The following SPATA6L variants were observed in gnomAD, a reference collection of about 807,000 sequenced individuals.
SPATA6L encodes the protein spermatogenesis associated 6 like.
In SPATA6L, 68 loss-of-function variants were observed where a neutral mutation model predicts 49.2. The observed-to-expected ratio is 1.38, with a 90% CI of 1.14 to 1.69. The LOEUF is 1.69. SPATA6L is among the 40% of genes most tolerant of loss of function. The probability of loss-of-function intolerance (pLI) is 0.00; values close to 1 mark genes in which losing one functional copy is unlikely to be tolerated. For synonymous variants in SPATA6L, 198 were observed against 165.7 expected, an observed-to-expected ratio of 1.19 and a Z score of -1.50; for missense variants, 668 against 464.3, an observed-to-expected ratio of 1.44 and a Z score of -4.03.
intron 7 of SPATA6L, among the ~76,000 whole-genome samples, chr9:4,619,983 G>T (rs751592178): frequency 6.6e-6 from 1 of 152,190 alleles, no homozygotes; most frequent in Non-Finnish European, 1.5e-5. Flanking sequence ...CTCAGGCAAT[G>T]ACAAGGGACT....
chr9:4,648,351 CT>C (rs1215764512), intron 3 of SPATA6L, among the ~76,000 whole-genome samples: 1 of 152,028 alleles, frequency 6.6e-6, no homozygotes, highest in Non-Finnish European at 1.5e-5. Context: ...CCTCTAAATT[CT>C]TTTTTTAAAA....
At position 4,644,182 on chromosome 9, in the gene SPATA6L, GCAAAA is replaced by G. The variant is rs1342887797; in HGVS notation, c.227-8788_227-8784del. Among the ~76,000 whole-genome samples the G allele has an allele frequency of 1.2e-3, 59 of 49,406 alleles. 1 individual carries two copies. The highest frequency in any genetic ancestry group is 0.01 in the South Asian group (13 of 1,256). The allele number at this position is 49,406 out of a possible 152,430, so 32.4% of individuals were successfully genotyped here. A position where few individuals can be genotyped will look rare whatever the true frequency, so the allele number is the denominator to read the frequency against. Reference sequence around the variant, plus strand: ...GGCAACATAGTAAGATGCCATCTCTGCAAAAAAAAAAAAAAAAAAAAAAAAAAAAA... The same window carrying G: ...GGCAACATAGTAAGATGCCATCTCTGAAAAAAAAAAAAAAAAAAAAAAAAA... On this transcript the variant is annotated intron_variant, in intron 3 of 11. Coordinates refer to ENST00000682582, the MANE Select transcript of SPATA6L (RefSeq NM_001353486.2).
chr9:4,617,805 T>C (rs1828349601), intron 9 of SPATA6L, 118 bp downstream of exon 9: 3 of 777,914 alleles, frequency 3.9e-6, no homozygotes, highest in Non-Finnish European at 5.8e-6. Context: ...CATTTTTTCA[T>C]ATCAAGGTGT....
chr9:4,625,396 T>C lies in SPATA6L; in HGVS notation c.600A>G (p.Pro200=). Residue 200 remains proline, a synonymous_variant, in exon 6 of 12, where the codon CCA becomes CCG. Transcript: ENST00000682582. ...YSTRHFFQDQ[P]AQLNLGNNFK... ...AATTATTTCCAAGGTTCAACTGAGC[T>C]GGCTGGTCCTGGAAGAAATGCCTGG... 2 of 1,614,170 alleles carry C rather than the reference T, an allele frequency of 1.2e-6. No homozygotes were observed. The highest frequency in any genetic ancestry group is 1.7e-6 in the Non-Finnish European group (2 of 1,180,030).
Position 4,623,214 on chromosome 9 carries a change from A to T in SPATA6L, c.670-704T>A, listed in dbSNP as rs539695638. Among the ~76,000 whole-genome samples the T allele has an allele frequency of 2.0e-5, 3 of 152,320 alleles. No individual in the cohort carries two copies. In the South Asian group the frequency reaches 6.2e-4, roughly 32 times the overall value. On this transcript the variant is annotated intron_variant, in intron 6 of 11. Transcript: ENST00000682582. ...AGAATCGCTTGAACCCGGGAGGCGA[A>T]GATTGCGGTGAGCTGAGATCATGCC...
rs370126582 is a variant in SPATA6L, at chr9:4,605,437, G to A, written c.999C>T (p.Phe333=). ...TCCATGTGGACTGAGAACCAGGATG[G>A]AACCTGCTCAACAGATGGAACAGGG... ...PLDQPLLRER[F]HPGSQSTWKN... is the part of the protein sequence containing the mutation. Residue 333 remains phenylalanine, a synonymous_variant, in exon 10 of 12, where the codon TTC becomes TTT. Transcript: ENST00000682582. 13 of 1,613,038 alleles carry A rather than the reference G, an allele frequency of 8.1e-6. No individual in the cohort carries two copies. The African/African-American group carries it at 1.7e-4, about 22-fold the overall frequency.
At chr9:4,653,011 C>T (rs1357429491) in intron 3 of SPATA6L, among the ~76,000 whole-genome samples, 1 of 152,016 alleles carries the variant, frequency 6.6e-6, no homozygotes, top group Non-Finnish European at 1.5e-5. Context: ...CAGACATTGA[C>T]AAGATGATTG....
At position 4,598,947 on chromosome 9, in the gene SPATA6L, G is replaced by A. The variant is rs1210632512; in HGVS notation, c.*1864C>T. Among the ~76,000 whole-genome samples, 3 of 152,130 alleles carry A rather than the reference G, an allele frequency of 2.0e-5. No homozygotes were observed. In the South Asian group the frequency reaches 6.2e-4, roughly 32 times the overall value. On this transcript the variant is annotated 3_prime_UTR_variant, in exon 12 of 12. Transcript: ENST00000682582. The stretch of plus-strand genomic sequence containing the variant: ...GAGTCTCCCTTATCTTCAGTGCTTG[G>A]GACTGACCAGAAGTATTTTAAACTT...
chr9:4,632,185 A>C (rs1427811027), intron 4 of SPATA6L, among the ~76,000 whole-genome samples: 2 of 151,556 alleles, frequency 1.3e-5, no homozygotes, highest in African/African-American at 2.4e-5. Flanking sequence ...ATGCTCAACT[A>C]ATTTTTGTAT....
Position 4,605,381 on chromosome 9 carries a change from A to G in SPATA6L, c.1055T>C (p.Leu352Pro), listed in dbSNP as rs750971766. 7 of 1,614,192 alleles carry G rather than the reference A, an allele frequency of 4.3e-6. No homozygotes were observed. In the Admixed American group the frequency reaches 8.3e-5, roughly 19 times the overall value. Residue 352 changes from leucine to proline, a missense_variant, in exon 10 of 12, where the codon CTG becomes CCG. Transcript: ENST00000682582. ...KNIHERVCSL[L>P]TSHRAQLHQN... ...GTGCAGCTGTGCTCTGTGGGATGTC[A>G]GAAGACTGCATACCCTCTCATGGAT...
At chr9:4,592,235 A>G (rs1368647599) in intron 13 of SPATA6L, among the ~76,000 whole-genome samples, 10 of 151,618 alleles carry the variant, frequency 6.6e-5, no homozygotes, top group Non-Finnish European at 1.2e-4. Flanking sequence ...GAATGGCTTG[A>G]ACCCTGGAGG....
intron 9 of SPATA6L, among the ~76,000 whole-genome samples, chr9:4,612,231 C>A (rs143165314): frequency 5.5e-4 from 83 of 152,244 alleles, no homozygotes; most frequent in Non-Finnish European, 1.0e-3. Context: ...GCCTCAGCCT[C>A]CCAAAGTGCT....
chr9:4,660,744 C>A (rs886693259), intron 2 of SPATA6L, among the ~76,000 whole-genome samples: 4 of 152,156 alleles, frequency 2.6e-5, no homozygotes, highest in African/African-American at 9.7e-5. Context: ...ATGTTTATTG[C>A]AGCACTATTC....
At chr9:4,663,072 A>G (rs750512728) in intron 1 of SPATA6L, 15 of 1,613,828 alleles carry the variant, frequency 9.3e-6, no homozygotes, top group African/African-American at 1.3e-5. Context: ...GGTGCTGGCC[A>G]TTCCACTGAG....
intron 11 of SPATA6L, among the ~76,000 whole-genome samples, chr9:4,603,357 G>A (rs1303080368): frequency 6.6e-6 from 1 of 152,198 alleles, no homozygotes; most frequent in Non-Finnish European, 1.5e-5. Flanking sequence ...TTGAACCTGG[G>A]GGGTGGAGGT....
Position 4,666,205 on chromosome 9 carries a change from C to G in SPATA6L, c.39+7G>C. 6.2e-7 allele frequency: 1 copy of G among 1,614,104 alleles called. No individual in the cohort carries two copies. The highest frequency in any genetic ancestry group is 2.2e-5 in the East Asian group (1 of 44,888). The stretch of plus-strand genomic sequence containing the variant: ...GGTTAAGGAGGGGGAGTTCATCGAT[C>G]TCTTACCGCCCGGATCTGCAGCTCC... On this transcript the variant is annotated splice_region_variant and intron_variant, in intron 1 of 11. Transcript: ENST00000682582.
chr9:4,628,472 G>C (rs1295504905), intron 5 of SPATA6L: 3 of 151,836 alleles, frequency 2.0e-5, no homozygotes, highest in Admixed American at 2.0e-4. Flanking sequence ...CTGAGATGGA[G>C]TCTCACTCTT....
chr9:4,606,006 A>C (rs578258273), intron 9 of SPATA6L, among the ~76,000 whole-genome samples: 3 of 152,132 alleles, frequency 2.0e-5, no homozygotes, highest in Non-Finnish European at 4.4e-5. Context: ...CGGGAAGCGC[A>C]AGGGGTCAGG....
intron 4 of SPATA6L, among the ~76,000 whole-genome samples, chr9:4,632,096 G>A (rs1348942333): frequency 6.9e-6 from 1 of 145,488 alleles, no homozygotes; most frequent in Non-Finnish European, 1.5e-5. Flanking sequence ...CTGGAGTGCA[G>A]TGGCATGATC....
Sources: allele counts gnomAD v4.1 joint callset (sites outside exome capture counted in the v4.1 genomes callset), GRCh38; gene constraint gnomAD v4.1.1; transcripts MANE v1.5; gene names NCBI Gene and HGNC (gene_info 2026-07-23, HGNC 2026-07-21).